Variants in TMEM178A observed in about 807,000 individuals in gnomAD.
TMEM178A encodes transmembrane protein 178.
A neutral mutation model predicts 29.1 loss-of-function variants in TMEM178A; 12 were observed. The observed-to-expected ratio is 0.41, with a 90% CI of 0.26 to 0.67. The LOEUF (loss-of-function observed/expected upper bound fraction) is 0.67, where lower values mean the gene tolerates loss of function less well. Among genes scored for constraint, TMEM178A ranks in the 30% least tolerant of loss-of-function variants. The pLI, the probability that TMEM178A is intolerant of heterozygous loss-of-function variation, is 0.29. For synonymous variants in TMEM178A, 210 were observed against 187.2 expected (o/e 1.12, Z -0.99); for missense variants, 366 against 419.1 (o/e 0.87, Z 1.11).
chr2:39,728,311 C>A, the TMEM178A span, among the ~76,000 whole-genome samples: 1 of 152,086 alleles, frequency 6.6e-6, no homozygotes, highest in African/African-American at 2.4e-5. Flanking sequence ...TGAGACTTAG[C>A]TTTCTAGGTT....
downstream of TMEM178A, among the ~76,000 whole-genome samples, chr2:39,722,882 C>G (rs144989764): frequency 4.1e-4 from 62 of 152,258 alleles, no homozygotes; most frequent in African/African-American, 1.5e-3. Context: ...TGAACTGTAC[C>G]CTCAAGTTCA....
intron 1 of TMEM178A, among the ~76,000 whole-genome samples, chr2:39,701,385 C>A (rs1363373344): frequency 6.6e-6 from 1 of 152,054 alleles, no homozygotes; most frequent in Non-Finnish European, 1.5e-5. Flanking sequence ...CCGTTCTGGC[C>A]TCCATGATTT....
chr2:39,729,553 A>G, the TMEM178A span, among the ~76,000 whole-genome samples: 1 of 152,140 alleles, frequency 6.6e-6, no homozygotes, highest in African/African-American at 2.4e-5. Context: ...ACTTCCTCCA[A>G]CCAACCAATA....
intron 1 of TMEM178A, among the ~76,000 whole-genome samples, chr2:39,699,117 C>T (rs1371731156): frequency 1.3e-5 from 2 of 151,724 alleles, no homozygotes; most frequent in African/African-American, 4.8e-5. Flanking sequence ...CCTCTGCCTC[C>T]CAGGTTCCAA....
At chr2:39,703,594 C>T (rs1671891184) in intron 1 of TMEM178A, among the ~76,000 whole-genome samples, 2 of 152,150 alleles carry the variant, frequency 1.3e-5, no homozygotes, top group Admixed American at 1.3e-4. Context: ...AATAGGTTTT[C>T]GAGGTTTGTC....
At chr2:39,714,082 G>T (rs1168446483) in intron 3 of TMEM178A, among the ~76,000 whole-genome samples, 1 of 152,136 alleles carries the variant, frequency 6.6e-6, no homozygotes, top group East Asian at 1.9e-4. Context: ...AAATGCGAGG[G>T]TCTGAAAATG....
chr2:39,689,559 G>A (rs1191019667), intron 1 of TMEM178A, among the ~76,000 whole-genome samples: 1 of 152,172 alleles, frequency 6.6e-6, no homozygotes, highest in African/African-American at 2.4e-5. Context: ...TGGTTGCTAG[G>A]AGCTGGAGAG....
rs773111806 is a variant in TMEM178A, at chr2:39,666,229, C to G, written c.255C>G (p.Ala85=). ...TGCTCCCGGGCGGCCCGGGGCGCGC[C>G]GACCCCGAGTCCTGGCGCTCGCTCC... ...RRLLPGGPGR[A]DPESWRSLLG... The change falls in exon 1 of 4, where the codon GCC becomes GCG. Residue 85 remains alanine, a synonymous_variant. Transcript: ENST00000281961. 27 of 1,346,338 alleles carry G rather than the reference C, an allele frequency of 2.0e-5. No individual in the cohort carries two copies. In the South Asian group the frequency reaches 2.9e-4, roughly 14 times the overall value. 83.4% of individuals were successfully genotyped at this position (1,346,338 alleles called of 1,614,324 possible).
At chr2:39,703,941 A>C in intron 1 of TMEM178A, 140 bp from the exon 2 acceptor site, 2 of 624,506 alleles carry the variant, frequency 3.2e-6, no homozygotes, top group Non-Finnish European at 5.6e-6. Flanking sequence ...TTTATGTTTT[A>C]GGTTTTTATT....
the TMEM178A span, among the ~76,000 whole-genome samples, chr2:39,735,203 C>G: frequency 4.9e-4 from 75 of 152,254 alleles, 1 homozygote; most frequent in African/African-American, 1.7e-3. Flanking sequence ...ACCTTGTTAA[C>G]CTAATCTCTC....
At chr2:39,723,992 C>T in the TMEM178A span, among the ~76,000 whole-genome samples, 1 of 152,160 alleles carries the variant, frequency 6.6e-6, no homozygotes, top group South Asian at 2.1e-4. Context: ...AGCCAGAGCA[C>T]ACACTGCACT....
rs144669859 is a variant in TMEM178A at position 39,702,671 on chromosome 2, A to G, written c.401-1410A>G. Among the ~76,000 whole-genome samples the G allele has an allele frequency of 3.9e-3, 597 of 151,570 alleles. 4 individuals are homozygous for G. The highest frequency in any genetic ancestry group is 0.013 in the African/African-American group (533 of 40,976). On this transcript the variant is annotated intron_variant, in intron 1 of 3. Transcript: ENST00000281961. ...CCATGGGGCTCATGTTGAAAAAACA[A>G]ATTAAAAAAAAAAAAAGAACTTCGA...
At chr2:39,735,930 C>A in the TMEM178A span, 2 of 152,230 alleles carry the variant, frequency 1.3e-5, no homozygotes, top group Admixed American at 6.5e-5. Context: ...TTTATGACTT[C>A]TGCTTTGGGG....
intron 1 of TMEM178A, among the ~76,000 whole-genome samples, chr2:39,693,013 A>G (rs138163096): frequency 2.5e-4 from 38 of 152,170 alleles, no homozygotes; most frequent in Non-Finnish European, 4.4e-4. Flanking sequence ...CATCAGGAGG[A>G]TGAGGCAGGA....
chr2:39,704,947 G>GT (rs1177316167), intron 2 of TMEM178A, among the ~76,000 whole-genome samples: 30 of 152,330 alleles, frequency 2.0e-4, no homozygotes, highest in Middle Eastern at 3.4e-3. Context: ...CTCTCATTCT[G>GT]TAAGTAAATC....
intron 1 of TMEM178A, among the ~76,000 whole-genome samples, chr2:39,685,802 A>G (rs1572662373): frequency 6.6e-6 from 1 of 152,330 alleles, no homozygotes; most frequent in Non-Finnish European, 1.5e-5. Context: ...TAGTAGGACC[A>G]TGATTATTAA....
chr2:39,674,633 A>G (rs1384329290), intron 1 of TMEM178A, among the ~76,000 whole-genome samples: 3 of 152,202 alleles, frequency 2.0e-5, no homozygotes, highest in African/African-American at 7.2e-5. Context: ...TCATGTAACA[A>G]ATACCACCTG....
At chr2:39,693,885 C>G (rs1259308420) in intron 1 of TMEM178A, among the ~76,000 whole-genome samples, 1 of 151,386 alleles carries the variant, frequency 6.6e-6, no homozygotes, top group Non-Finnish European at 1.5e-5. Context: ...CAGTGGTCAG[C>G]CTAACCCAAT....
intron 1 of TMEM178A, among the ~76,000 whole-genome samples, chr2:39,666,997 G>A (rs913710137): frequency 2.0e-5 from 3 of 152,244 alleles, no homozygotes; most frequent in Non-Finnish European, 4.4e-5. Flanking sequence ...TGCAGGGTGT[G>A]TGTGGATTAG....
Sources: allele counts gnomAD v4.1 joint callset (sites outside exome capture counted in the v4.1 genomes callset), GRCh38; gene constraint gnomAD v4.1.1; transcripts MANE v1.5; gene names NCBI Gene and HGNC (gene_info 2026-07-23, HGNC 2026-07-21).